PASD1: variants seen among roughly 807,000 people sequenced by gnomAD.
PASD1 encodes circadian clock protein PASD1.
A neutral mutation model predicts 58.8 loss-of-function variants in PASD1; 13 were observed. The observed-to-expected ratio is 0.22, with a 90% CI of 0.14 to 0.35. PASD1 has a LOEUF of 0.35. Among genes scored for constraint, PASD1 ranks in the 10% least tolerant of loss-of-function variants. The pLI is 1.00. For missense variants in PASD1, 734 were observed against 568.3 expected, an observed-to-expected ratio of 1.29 and a Z score of -2.96; for synonymous variants, 236 against 216.7, an observed-to-expected ratio of 1.09 and a Z score of -0.78.
intron 1 of PASD1, among the ~76,000 whole-genome samples, chrX:151,587,146 T>A (rs1270498023): frequency 9.0e-6 from 1 of 111,147 alleles, no homozygotes; most frequent in East Asian, 2.8e-4. Flanking sequence ...GAACATGACA[T>A]ATGAATTCCC....
At chrX:151,652,532 C>CAAAAAAAA (rs68106404) in intron 9 of PASD1, among the ~76,000 whole-genome samples, 2 of 69,169 alleles carry the variant, frequency 2.9e-5, no homozygotes, top group Non-Finnish European at 2.9e-5. Context: ...GACTCCGTCT[C>CAAAAAAAA]AAAAAAAAAA....
At chrX:151,661,482 A>G (rs2014310080) in intron 10 of PASD1, among the ~76,000 whole-genome samples, 1 of 112,397 alleles carries the variant, frequency 8.9e-6, no homozygotes, top group East Asian at 2.8e-4. Flanking sequence ...TTGCAAAAAT[A>G]GCACAAAGAA....
intron 9 of PASD1, among the ~76,000 whole-genome samples, chrX:151,657,216 T>G (rs1225837964): frequency 8.9e-6 from 1 of 112,101 alleles, no homozygotes; most frequent in Non-Finnish European, 1.9e-5. Context: ...GCCCACTTGA[T>G]GATGGTGGAT....
At position 151,646,992 on chromosome X, in the gene PASD1, C is replaced by T. The variant is rs534173343; in HGVS notation, c.630-1623C>T. On this transcript the variant is annotated intron_variant, in intron 8 of 15. Coordinates refer to ENST00000370357, the MANE Select transcript of PASD1 (RefSeq NM_173493.3). Reference sequence around the variant, plus strand: ...AGAAAGAGGGAAGAGTCTAGGATGACTTGGAGATTTCAGTCTTGAGTGACT... The same window carrying T: ...AGAAAGAGGGAAGAGTCTAGGATGATTTGGAGATTTCAGTCTTGAGTGACT... 4.2e-4 allele frequency among the ~76,000 whole-genome samples: 47 copies of T among 112,022 alleles called. No individual in the cohort carries two copies. In the South Asian group the frequency reaches 0.016, roughly 39 times the overall value.
At chrX:151,576,581 AT>A (rs1277431528) in intron 1 of PASD1, among the ~76,000 whole-genome samples, 1 of 112,141 alleles carries the variant, frequency 8.9e-6, no homozygotes, top group Non-Finnish European at 1.9e-5. Context: ...CACTCTTCTA[AT>A]TTCCCTCAGA....
At chrX:151,668,350 T>C (rs1254001904) in intron 11 of PASD1, among the ~76,000 whole-genome samples, 1 of 111,635 alleles carries the variant, frequency 9.0e-6, no homozygotes, top group Admixed American at 9.6e-5. Context: ...ATCCCAGGGA[T>C]GAAGCCCACT....
intron 1 of PASD1, among the ~76,000 whole-genome samples, chrX:151,589,815 AT>A (rs1381095507): frequency 2.4e-4 from 27 of 112,060 alleles, no homozygotes; most frequent in African/African-American, 9.8e-5. Flanking sequence ...TATAAAAAAA[AT>A]GTACTTGCTC....
chrX:151,570,671 T>C (rs1882718), intron 1 of PASD1, among the ~76,000 whole-genome samples: 28,445 of 110,842 alleles, frequency 0.26, 3,496 homozygotes, highest in Non-Finnish European at 0.38. Flanking sequence ...GACCTTTGTC[T>C]TGAGTGGTAA....
At chrX:151,662,371 C>CT (rs1242324323) in intron 10 of PASD1, among the ~76,000 whole-genome samples, 2 of 109,203 alleles carry the variant, frequency 1.8e-5, no homozygotes, top group Non-Finnish European at 3.8e-5. Context: ...ATGTCTGCAT[C>CT]TTTTTTTTTC....
intron 9 of PASD1, among the ~76,000 whole-genome samples, chrX:151,653,577 G>A (rs1215275784): frequency 4.5e-5 from 5 of 110,326 alleles, no homozygotes; most frequent in Admixed American, 1.9e-4. Context: ...TAGGGATGAC[G>A]TGAGCAACTG....
chrX:151,628,520 A>T (rs184384875), intron 8 of PASD1, among the ~76,000 whole-genome samples: 1 of 111,268 alleles, frequency 9.0e-6, no homozygotes. Flanking sequence ...AGTTGTAGAT[A>T]TGCGGCATTA....
At chrX:151,587,422 A>C (rs1429012305) in intron 1 of PASD1, among the ~76,000 whole-genome samples, 1 of 111,397 alleles carries the variant, frequency 9.0e-6, no homozygotes, top group Non-Finnish European at 1.9e-5. Context: ...TAGGAATATA[A>C]TAAGTGACAA....
intron 8 of PASD1, among the ~76,000 whole-genome samples, chrX:151,630,663 G>A (rs1287665316): frequency 4.4e-5 from 5 of 112,378 alleles, no homozygotes; most frequent in Non-Finnish European, 7.5e-5. Context: ...CACAAAGGTC[G>A]TAGGGACCCA....
In PASD1 at chrX:151,631,963, T is replaced by C. The variant is rs181679623; in HGVS notation, c.629+6433T>C. On this transcript the variant is annotated intron_variant, in intron 8 of 15. Transcript: ENST00000370357. ...GAAACTTATTTATTCATACAGAAAATAGTTAGCATCTGCTATGTGGAAGTT... is the reference window on the plus strand; with the variant it reads ...GAAACTTATTTATTCATACAGAAAACAGTTAGCATCTGCTATGTGGAAGTT... Among the ~76,000 whole-genome samples the C allele has an allele frequency of 8.1e-5, 9 of 111,501 alleles. No individual in the cohort carries two copies. The East Asian group carries it at 2.3e-3, about 28-fold the overall frequency.
At chrX:151,598,814 G>GATT (rs927576617) in intron 1 of PASD1, among the ~76,000 whole-genome samples, 4 of 110,293 alleles carry the variant, frequency 3.6e-5, no homozygotes, top group Non-Finnish European at 5.7e-5. Flanking sequence ...GGGACTGATA[G>GATT]ATTATTATTA....
At chrX:151,598,328 T>C (rs1204139271) in intron 1 of PASD1, among the ~76,000 whole-genome samples, 1 of 111,868 alleles carries the variant, frequency 8.9e-6, no homozygotes, top group Non-Finnish European at 1.9e-5. Context: ...TAATATTCTT[T>C]GGTATGTATT....
chrX:151,637,532 C>T (rs988382886), intron 8 of PASD1, among the ~76,000 whole-genome samples: 2 of 111,138 alleles, frequency 1.8e-5, no homozygotes, highest in Non-Finnish European at 3.8e-5. Flanking sequence ...CTCACCACTA[C>T]GCCTGGCTAA....
chrX:151,565,719 G>A (rs909802786), intron 1 of PASD1, among the ~76,000 whole-genome samples: 6 of 109,846 alleles, frequency 5.5e-5, no homozygotes, highest in South Asian at 4.0e-4. Flanking sequence ...TACCATGCCC[G>A]GCTAATTTTT....
intron 1 of PASD1, among the ~76,000 whole-genome samples, chrX:151,587,633 T>C (rs1022723545): frequency 1.8e-5 from 2 of 111,390 alleles, no homozygotes; most frequent in Non-Finnish European, 3.8e-5. Flanking sequence ...TCAGGGTCTA[T>C]GCTTGTGCAG....
Sources: allele counts gnomAD v4.1 joint callset (sites outside exome capture counted in the v4.1 genomes callset), GRCh38; gene constraint gnomAD v4.1.1; transcripts MANE v1.5; gene names NCBI Gene and HGNC (gene_info 2026-07-23, HGNC 2026-07-21).